The following OTOGL variants were observed in gnomAD, a reference collection of about 807,000 sequenced individuals.
The protein encoded by OTOGL is otogelin like, also known as otogelin-like protein.
In OTOGL, 285 loss-of-function variants were observed where a neutral mutation model predicts 318.5. The observed-to-expected ratio is 0.89, with a 90% CI of 0.81 to 0.99. OTOGL has a LOEUF of 0.99. Ranked by LOEUF, OTOGL falls within the 50% of genes least tolerant of loss-of-function variation. The pLI is 0.00. For missense variants in OTOGL, 2,899 were observed against 2,845.6 expected, an observed-to-expected ratio of 1.02 and a Z score of -0.43; for synonymous variants, 987 against 936.5, an observed-to-expected ratio of 1.05 and a Z score of -0.99.
intron 11 of OTOGL, 33 bp from the exon 12 acceptor site, chr12:80,251,660 A>G (rs1448372117): frequency 4.0e-6 from 6 of 1,498,068 alleles, no homozygotes; most frequent in East Asian, 2.4e-5. Context: ...AATATTTCCT[A>G]TGTGATTCTG....
At chr12:80,210,002 A>T (rs1877125143) in intron 2 of OTOGL, among the ~76,000 whole-genome samples, 1 of 152,166 alleles carries the variant, frequency 6.6e-6, no homozygotes, top group Non-Finnish European at 1.5e-5. Context: ...GTTTAAAAAT[A>T]ACTAACATCT....
chr12:80,319,559 T>G (rs1887192813), intron 33 of OTOGL, among the ~76,000 whole-genome samples: 2 of 152,184 alleles, frequency 1.3e-5, no homozygotes, highest in African/African-American at 2.4e-5. Flanking sequence ...ATGTAAAAAT[T>G]TATTATTCTT....
chr12:80,308,103 C>T (rs1265631928), intron 29 of OTOGL, among the ~76,000 whole-genome samples: 1 of 148,666 alleles, frequency 6.7e-6, no homozygotes, highest in African/African-American at 2.5e-5. Flanking sequence ...GGGCTGACCC[C>T]CCCACCTCCC....
chr12:80,120,992 A>G (rs1032183907), intron 1 of OTOGL, among the ~76,000 whole-genome samples: 6 of 152,128 alleles, frequency 3.9e-5, no homozygotes, highest in African/African-American at 1.2e-4. Flanking sequence ...CATATTTCCT[A>G]TGACTAGTTA....
At chr12:80,300,373 G>A (rs544376301) in intron 27 of OTOGL, among the ~76,000 whole-genome samples, 16 of 152,212 alleles carry the variant, frequency 1.1e-4, no homozygotes, top group Admixed American at 8.5e-4. Flanking sequence ...TGTGCTGCAA[G>A]TGGAGCGTAG....
Position 80,323,783 on chromosome 12 carries a change from C to A in OTOGL, c.4142C>A (p.Thr1381Lys). The change falls in exon 35 of 59, where the codon ACA (threonine) becomes AAA (lysine). Residue 1381 changes from threonine to lysine, a missense_variant. Around this residue, in one of 3 missense-constraint regions of OTOGL, gnomAD observed 2,607 missense variants for 2,524.9 expected, o/e 1.03. Transcript: ENST00000547103. ...GAATGGAGATATGAACCTTGTGCTA[C>A]ACCCTGTTTTAAAACATGTAGTGAC... ...MCEWRYEPCA[T>K]PCFKTCSDPE... is the part of the protein sequence containing the mutation. 1 of 1,613,934 alleles carries A rather than the reference C, an allele frequency of 6.2e-7. No homozygotes were observed. Among genetic ancestry groups the A allele is most frequent in the Non-Finnish European group, 8.5e-7 (1 of 1,179,822 alleles).
chr12:80,206,687 T>C (rs1876834493), intron 1 of OTOGL, among the ~76,000 whole-genome samples: 1 of 140,528 alleles, frequency 7.1e-6, no homozygotes, highest in Admixed American at 7.1e-5. Context: ...TTGTTTTGTA[T>C]TTTTTTTTTT....
At chr12:80,249,120 G>A (rs1338415662) in intron 11 of OTOGL, among the ~76,000 whole-genome samples, 12 of 145,638 alleles carry the variant, frequency 8.2e-5, no homozygotes, top group Middle Eastern at 3.4e-3. Context: ...ATGTCCTCCC[G>A]TAGCTCAGAG....
chr12:80,155,175 A>G (rs1215670730), intron 1 of OTOGL, among the ~76,000 whole-genome samples: 1 of 152,138 alleles, frequency 6.6e-6, no homozygotes, highest in African/African-American at 2.4e-5. Context: ...ATTTTGGATA[A>G]CAATTCTTTA....
At chr12:80,257,702 C>A (rs1420319168) in intron 17 of OTOGL, 123 bp from the exon 18 acceptor site, 5 of 1,006,934 alleles carry the variant, frequency 5.0e-6, no homozygotes, top group African/African-American at 1.7e-5. Flanking sequence ...CAGACAGGAA[C>A]CACTAGCCTG....
chr12:80,241,081 C>T (rs530333512), intron 11 of OTOGL, among the ~76,000 whole-genome samples: 3 of 151,918 alleles, frequency 2.0e-5, no homozygotes, highest in Non-Finnish European at 2.9e-5. Flanking sequence ...ACTTAAATGA[C>T]GTCTTGAGTA....
chr12:80,131,518 T>G (rs191417018), intron 1 of OTOGL, among the ~76,000 whole-genome samples: 1 of 152,348 alleles, frequency 6.6e-6, no homozygotes, highest in African/African-American at 2.4e-5. Context: ...CTGTTCCATT[T>G]TCAGTGAATT....
chr12:80,203,620 A>T (rs1342784502), intron 1 of OTOGL, among the ~76,000 whole-genome samples: 1 of 152,192 alleles, frequency 6.6e-6, no homozygotes, highest in African/African-American at 2.4e-5. Context: ...TACCAAAATT[A>T]AATAACACAT....
chr12:80,138,062 C>T (rs1395959925), intron 1 of OTOGL, among the ~76,000 whole-genome samples: 1 of 152,090 alleles, frequency 6.6e-6, no homozygotes, highest in East Asian at 1.9e-4. Context: ...CTTTCCTTCT[C>T]AGAGATGGTA....
intron 32 of OTOGL, among the ~76,000 whole-genome samples, chr12:80,315,897 AACAC>A (rs1303854292): frequency 6.6e-6 from 1 of 152,126 alleles, no homozygotes; most frequent in Non-Finnish European, 1.5e-5. Context: ...CGCACACACA[AACAC>A]ACACTTCACA....
At chr12:80,104,970 C>A (rs1286152165) in intron 1 of OTOGL, among the ~76,000 whole-genome samples, 10 of 152,054 alleles carry the variant, frequency 6.6e-5, no homozygotes, top group Admixed American at 6.5e-4. Context: ...GTGGTGCATG[C>A]CTGTAATCCC....
chr12:80,249,986 G>A (rs1184416842), intron 11 of OTOGL, among the ~76,000 whole-genome samples: 8 of 151,980 alleles, frequency 5.3e-5, no homozygotes, highest in African/African-American at 7.3e-5. Flanking sequence ...GACCCCTTGC[G>A]CTTCCCAGGT....
At position 80,370,694 on chromosome 12, in the gene OTOGL, G is replaced by A; in HGVS notation, c.6735+5G>A. ...AATGAGACTGAATGCAAAATGGTTTGTACTTTGTTGTATCTAAGAAAATTT... is the reference window on the plus strand; with the variant it reads ...AATGAGACTGAATGCAAAATGGTTTATACTTTGTTGTATCTAAGAAAATTT... On this transcript the variant is annotated splice_donor_5th_base_variant and intron_variant, in intron 56 of 58. Coordinates refer to ENST00000547103, the MANE Select transcript of OTOGL (RefSeq NM_001378609.3). 1 of 1,534,912 alleles carries A rather than the reference G, an allele frequency of 6.5e-7. No homozygotes were observed. Among genetic ancestry groups the A allele is most frequent in the South Asian group, 1.3e-5 (1 of 77,402 alleles).
At chr12:80,144,146 G>A (rs1273317787) in intron 1 of OTOGL, among the ~76,000 whole-genome samples, 4 of 151,618 alleles carry the variant, frequency 2.6e-5, no homozygotes, top group East Asian at 1.9e-4. Context: ...ACGCTGGTGC[G>A]CTGCACCCAC....
Sources: allele counts gnomAD v4.1 joint callset (sites outside exome capture counted in the v4.1 genomes callset), GRCh38; gene constraint gnomAD v4.1.1; regional missense constraint gnomAD v4.1.1; transcripts MANE v1.5; gene names NCBI Gene and HGNC (gene_info 2026-07-23, HGNC 2026-07-21).